AOPEP: variants seen among roughly 807,000 people sequenced by gnomAD.
AOPEP encodes aminopeptidase O (putative), also known as aminopeptidase O.
AOPEP carries 77 observed loss-of-function variants against 98.1 expected under a neutral mutation model. The ratio of observed to expected loss-of-function variants is 0.78; its 90% CI spans 0.65 to 0.95. AOPEP has a LOEUF of 0.95. AOPEP is among the 40% of genes least tolerant of loss of function. The pLI, the probability that AOPEP is intolerant of heterozygous loss-of-function variation, is 0.00. For synonymous variants in AOPEP, 346 were observed against 365.3 expected, an observed-to-expected ratio of 0.95 and a Z score of 0.60; for missense variants, 1,024 against 1,024.7, an observed-to-expected ratio of 1.00 and a Z score of 0.01.
At chr9:95,016,387 G>T (rs566323935) in intron 13 of AOPEP, among the ~76,000 whole-genome samples, 1 of 151,488 alleles carries the variant, frequency 6.6e-6, no homozygotes, top group African/African-American at 2.4e-5. Context: ...GAGATTACAG[G>T]CACCCACCAC....
intron 11 of AOPEP, among the ~76,000 whole-genome samples, chr9:94,989,409 G>C (rs572466476): frequency 6.6e-6 from 1 of 151,864 alleles, no homozygotes; most frequent in East Asian, 2.0e-4. Flanking sequence ...GCTAATTTTT[G>C]TATTTTTAGT....
At chr9:94,839,846 A>G (rs1431153335) in intron 5 of AOPEP, among the ~76,000 whole-genome samples, 1 of 151,982 alleles carries the variant, frequency 6.6e-6, no homozygotes. Flanking sequence ...ATAGCTCACT[A>G]CAGTGTCAAC....
At chr9:94,943,218 T>A (rs1186485147) in intron 7 of AOPEP, among the ~76,000 whole-genome samples, 1 of 152,236 alleles carries the variant, frequency 6.6e-6, no homozygotes, top group Non-Finnish European at 1.5e-5. Flanking sequence ...TTGCAAATCA[T>A]ATATCTGTTA....
chr9:94,909,824 C>T (rs930985662), intron 5 of AOPEP, among the ~76,000 whole-genome samples: 9 of 152,060 alleles, frequency 5.9e-5, no homozygotes, highest in Admixed American at 2.6e-4. Flanking sequence ...CAGACTTAAA[C>T]GGCTGTCATG....
intron 5 of AOPEP, among the ~76,000 whole-genome samples, chr9:94,896,516 G>C (rs1393141720): frequency 7.2e-5 from 11 of 152,190 alleles, no homozygotes; most frequent in Non-Finnish European, 1.6e-4. Flanking sequence ...CTGCTTCTGC[G>C]GGGTGATCAA....
intron 5 of AOPEP, among the ~76,000 whole-genome samples, chr9:94,876,368 CTTT>C (rs566693216): frequency 2.8e-5 from 4 of 140,622 alleles, no homozygotes; most frequent in Non-Finnish European, 1.6e-5. Flanking sequence ...CTTTTCTTTT[CTTT>C]TTTTTTTTTT....
chr9:95,060,691 TAGCTTCTTCCAGACC>T lies in AOPEP; in HGVS notation c.2118_2132del (p.Leu707_Leu711del), dbSNP rs2067247254. 2.5e-6 allele frequency: 4 copies of T among 1,604,558 alleles called. No homozygotes were observed. The highest frequency in any genetic ancestry group is 2.7e-5 in the African/African-American group (2 of 74,844). ...TTCATAGGCTGTTTGGTTTTGTCTT[TAGCTTCTTCCAGACC>T]AGCTGGTCTTGCTTCTGGAGCATCT... On this transcript the variant is annotated splice_acceptor_variant and coding_sequence_variant, in exon 14 of 17. Coordinates refer to ENST00000375315, the MANE Select transcript of AOPEP (RefSeq NM_001193329.3). LOFTEE classifies it high-confidence loss of function.
chr9:95,070,014 G>T (rs189412666), intron 14 of AOPEP, among the ~76,000 whole-genome samples: 2 of 152,356 alleles, frequency 1.3e-5, no homozygotes, highest in East Asian at 3.9e-4. Context: ...GAAATAAGGA[G>T]CAGAAAAGGT....
intron 13 of AOPEP, among the ~76,000 whole-genome samples, chr9:95,038,284 C>T (rs2133507658): frequency 6.6e-6 from 1 of 152,292 alleles, no homozygotes; most frequent in East Asian, 1.9e-4. Flanking sequence ...GGAATGAGCC[C>T]AGCCCAGACT....
chr9:94,789,208 C>A (rs1275630207), intron 3 of AOPEP, among the ~76,000 whole-genome samples: 3 of 152,138 alleles, frequency 2.0e-5, no homozygotes, highest in Non-Finnish European at 4.4e-5. Flanking sequence ...TGGTTCATGT[C>A]TTTAGAAAAG....
chr9:94,735,025 G>A (rs901765399), intron 1 of AOPEP, among the ~76,000 whole-genome samples: 3 of 151,862 alleles, frequency 2.0e-5, no homozygotes, highest in African/African-American at 7.3e-5. Flanking sequence ...CTCTTTTTTC[G>A]TTTTAAATAT....
chr9:94,973,737 A>G (rs913261982), intron 10 of AOPEP, among the ~76,000 whole-genome samples: 1 of 152,224 alleles, frequency 6.6e-6, no homozygotes, highest in African/African-American at 2.4e-5. Context: ...ACTCGCAGTC[A>G]TGGGTCTGTG....
chr9:95,124,592 T>C, the AOPEP span, among the ~76,000 whole-genome samples: 1 of 152,332 alleles, frequency 6.6e-6, no homozygotes, highest in Middle Eastern at 3.4e-3. Context: ...CCAGTCACTC[T>C]TACCACCTCC....
intron 13 of AOPEP, among the ~76,000 whole-genome samples, chr9:95,038,318 A>G (rs1318049389): frequency 6.6e-6 from 1 of 152,228 alleles, no homozygotes; most frequent in South Asian, 2.1e-4. Context: ...CATGTTTTCC[A>G]GCAGCTGCAA....
In AOPEP at chr9:94,849,329, G is replaced by A. The variant is rs549549293; in HGVS notation, c.1364+48327G>A. Among the ~76,000 whole-genome samples, 6 of 152,282 alleles carry A rather than the reference G, an allele frequency of 3.9e-5. No individual in the cohort carries two copies. In the South Asian group the frequency reaches 6.2e-4, roughly 16 times the overall value. The stretch of plus-strand genomic sequence containing the variant: ...TTTAGGGTTAAATGAGATAATGTAT[G>A]TAAGGCATTTAAAGCAGTTCCCAGC... On this transcript the variant is annotated intron_variant, in intron 5 of 16. Transcript: ENST00000375315.
intron 3 of AOPEP, 47 bp downstream of exon 3, chr9:94,773,215 G>T (rs1326406001): frequency 6.6e-7 from 1 of 1,518,942 alleles, no homozygotes; most frequent in South Asian, 1.2e-5. Context: ...CACACATGTG[G>T]ACCCAGGAAC....
chr9:94,805,479 TTTTTGTTTTTTG>T (rs1413222845), intron 5 of AOPEP, among the ~76,000 whole-genome samples: 20 of 147,094 alleles, frequency 1.4e-4, no homozygotes, highest in African/African-American at 5.5e-4. Flanking sequence ...GGTTTTTTGT[TTTTTGTTTTTTG>T]TTTTTTTTTT....
intron 7 of AOPEP, chr9:94,933,078 C>A: frequency 1.0e-6 from 1 of 985,646 alleles, no homozygotes; most frequent in Non-Finnish European, 1.2e-6. Context: ...TGGCCCTGGG[C>A]AGAACTCTTC....
At chr9:94,976,484 G>A (rs1009037028) in intron 10 of AOPEP, among the ~76,000 whole-genome samples, 2 of 152,086 alleles carry the variant, frequency 1.3e-5, no homozygotes, top group African/African-American at 4.8e-5. Flanking sequence ...TCGCTCCTCG[G>A]ACTTCTCTTC....
Sources: allele counts gnomAD v4.1 joint callset (sites outside exome capture counted in the v4.1 genomes callset), GRCh38; gene constraint gnomAD v4.1.1; transcripts MANE v1.5; gene names NCBI Gene and HGNC (gene_info 2026-07-23, HGNC 2026-07-21).